Variants in MACROD2 observed in about 807,000 individuals in gnomAD.
MACROD2 encodes the protein mono-ADP ribosylhydrolase 2.
A neutral mutation model predicts 70.4 loss-of-function variants in MACROD2; 36 were observed. That is an observed-to-expected ratio of 0.51 (90% CI 0.39 to 0.68). The LOEUF (loss-of-function observed/expected upper bound fraction) is 0.68, where lower values mean the gene tolerates loss of function less well. MACROD2 is among the 30% of genes least tolerant of loss of function. MACROD2 has a pLI of 0.00. For missense variants in MACROD2, 496 were observed against 538.4 expected (o/e 0.92, Z 0.78); for synonymous variants, 172 against 178.8 (o/e 0.96, Z 0.30).
chr20:14,013,550 G>T (rs1233627729), intron 2 of MACROD2, among the ~76,000 whole-genome samples: 3 of 151,974 alleles, frequency 2.0e-5, no homozygotes, highest in Non-Finnish European at 4.4e-5. Flanking sequence ...GGGATTACAG[G>T]CGTTAGCCAC....
At chr20:15,025,556 A>T (rs1274658414) in intron 5 of MACROD2, among the ~76,000 whole-genome samples, 2 of 103,042 alleles carry the variant, frequency 1.9e-5, no homozygotes, top group East Asian at 5.6e-4. Context: ...GGGGCTCCTG[A>T]TACACCAGCC....
At chr20:14,903,993 C>T (rs912683348) in intron 5 of MACROD2, among the ~76,000 whole-genome samples, 23 of 152,268 alleles carry the variant, frequency 1.5e-4, no homozygotes, top group African/African-American at 4.6e-4. Flanking sequence ...TATAGTCCAA[C>T]TGAGTGCCCA....
chr20:16,032,792 A>G (rs565948206), intron 15 of MACROD2, among the ~76,000 whole-genome samples: 1 of 131,176 alleles, frequency 7.6e-6, no homozygotes, highest in Non-Finnish European at 1.6e-5. Context: ...GAAGGGCAGG[A>G]AGGGAGGGAG....
At chr20:15,469,546 C>T (rs1264693318) in intron 7 of MACROD2, among the ~76,000 whole-genome samples, 1 of 152,004 alleles carries the variant, frequency 6.6e-6, no homozygotes, top group Admixed American at 6.6e-5. Flanking sequence ...TCATGCCTGG[C>T]AGTTGGGTAC....
intron 5 of MACROD2, among the ~76,000 whole-genome samples, chr20:15,181,249 A>G (rs2076498468): frequency 6.6e-6 from 1 of 152,216 alleles, no homozygotes. Flanking sequence ...ATATTTATTG[A>G]AAAAAGAAAC....
intron 7 of MACROD2, among the ~76,000 whole-genome samples, chr20:15,471,468 A>G (rs900690250): frequency 2.6e-5 from 4 of 152,176 alleles, no homozygotes; most frequent in South Asian, 2.1e-4. Flanking sequence ...TTTTTTTCAT[A>G]TGATAACTCT....
chr20:15,743,761 G>T (rs998121677), intron 8 of MACROD2, among the ~76,000 whole-genome samples: 7 of 152,046 alleles, frequency 4.6e-5, no homozygotes, highest in Non-Finnish European at 1.0e-4. Context: ...AAGTTCTCTC[G>T]TTTAGCACAG....
chr20:15,156,794 G>A (rs1245477295), intron 5 of MACROD2, among the ~76,000 whole-genome samples: 2 of 152,128 alleles, frequency 1.3e-5, no homozygotes, highest in Non-Finnish European at 2.9e-5. Flanking sequence ...CCTCTTAGCA[G>A]ACCCTCAGAA....
chr20:14,828,717 C>T (rs1005007872), intron 5 of MACROD2, among the ~76,000 whole-genome samples: 15 of 152,046 alleles, frequency 9.9e-5, no homozygotes, highest in African/African-American at 3.4e-4. Context: ...ACATTTGACA[C>T]TTGAAAGGGG....
chr20:15,590,286 T>C (rs1424458527), intron 8 of MACROD2, among the ~76,000 whole-genome samples: 1 of 152,160 alleles, frequency 6.6e-6, no homozygotes, highest in African/African-American at 2.4e-5. Context: ...TCATAAAAAT[T>C]TGTGAGGCAA....
chr20:14,620,893 T>G (rs1983789836), intron 4 of MACROD2, among the ~76,000 whole-genome samples: 2 of 152,130 alleles, frequency 1.3e-5, no homozygotes, highest in South Asian at 4.1e-4. Flanking sequence ...CTTAGCTTTG[T>G]TTTATAGAAA....
intron 10 of MACROD2, among the ~76,000 whole-genome samples, chr20:15,925,175 A>G (rs188015761): frequency 6.6e-6 from 1 of 152,354 alleles, no homozygotes. Context: ...CTGTGTCAGT[A>G]TAAGTTGATT....
chr20:14,797,790 C>A (rs928984601), intron 5 of MACROD2, among the ~76,000 whole-genome samples: 1 of 151,966 alleles, frequency 6.6e-6, no homozygotes, highest in African/African-American at 2.4e-5. Flanking sequence ...CTGGATGATG[C>A]CTGCTTTACT....
intron 5 of MACROD2, among the ~76,000 whole-genome samples, chr20:14,931,824 C>A (rs1737447194): frequency 8.0e-6 from 1 of 124,506 alleles, no homozygotes; most frequent in Admixed American, 8.6e-5. Flanking sequence ...ATAACAAGAC[C>A]CCCATCTCTT....
chr20:14,582,010 T>C (rs943525077), intron 4 of MACROD2, among the ~76,000 whole-genome samples: 1 of 152,190 alleles, frequency 6.6e-6, no homozygotes, highest in African/African-American at 2.4e-5. Context: ...TTGCTCACGT[T>C]AGTCACCAGC....
At position 15,939,587 on chromosome 20, in the gene MACROD2, T is replaced by C. The variant is rs556619417; in HGVS notation, c.907+2043T>C. Among the ~76,000 whole-genome samples the C allele has an allele frequency of 1.8e-4, 27 of 151,906 alleles. No homozygotes were observed. In the South Asian group the frequency reaches 5.4e-3, roughly 31 times the overall value. ...GGTCTTCCGAGAGTTCCGACAAAGA[T>C]GTACAAGGAACATAATGTTGTTTTC... On this transcript the variant is annotated intron_variant, in intron 12 of 17. Transcript: ENST00000684519.
intron 3 of MACROD2, among the ~76,000 whole-genome samples, chr20:14,203,829 G>T (rs2081500343): frequency 6.6e-6 from 1 of 152,232 alleles, no homozygotes. Flanking sequence ...GGCAGTGGTG[G>T]CAGGTCCAGG....
chr20:15,345,768 T>G (rs1959538366), intron 6 of MACROD2, among the ~76,000 whole-genome samples: 1 of 152,178 alleles, frequency 6.6e-6, no homozygotes, highest in Non-Finnish European at 1.5e-5. Flanking sequence ...TCCTGGCTGA[T>G]CCACAGCGCC....
chr20:14,417,043 CTATT>C (rs897120302), intron 3 of MACROD2, among the ~76,000 whole-genome samples: 4 of 131,876 alleles, frequency 3.0e-5, no homozygotes, highest in African/African-American at 1.0e-4. Context: ...ATATATCTAT[CTATT>C]ATCTATCTAT....
Sources: gnomAD v4.1 joint callset for allele counts (sites outside exome capture counted in the v4.1 genomes callset) on GRCh38, gnomAD v4.1.1 for gene constraint, MANE v1.5 for transcripts, NCBI Gene and HGNC (gene_info 2026-07-23, HGNC 2026-07-21) for gene names.